Variants in SCAPER observed in about 807,000 individuals in gnomAD.
SCAPER encodes the protein S phase cyclin A-associated protein in the endoplasmic reticulum.
A neutral mutation model predicts 182.2 loss-of-function variants in SCAPER; 98 were observed. That is an observed-to-expected ratio of 0.54 (90% CI 0.46 to 0.64). The LOEUF is 0.64. Ranked by LOEUF, SCAPER falls within the 30% of genes least tolerant of loss-of-function variation. The pLI, the probability that SCAPER is intolerant of heterozygous loss-of-function variation, is 0.00. For synonymous variants in SCAPER, 605 were observed against 564.6 expected (o/e 1.07, Z -1.01); for missense variants, 1,432 against 1,690.0 (o/e 0.85, Z 2.68).
chr15:76,617,311 G>C (rs2051581495), intron 22 of SCAPER, among the ~76,000 whole-genome samples: 1 of 152,146 alleles, frequency 6.6e-6, no homozygotes. Flanking sequence ...TTAACTGCTA[G>C]AGTAAGGAGT....
chr15:76,580,604 A>C (rs1182760566), intron 22 of SCAPER, among the ~76,000 whole-genome samples: 2 of 152,180 alleles, frequency 1.3e-5, no homozygotes, highest in South Asian at 2.1e-4. Context: ...ATAAAAAAAA[A>C]TCTTGAAAAT....
intron 24 of SCAPER, 38 bp from the exon 25 acceptor site, chr15:76,471,373 G>C: frequency 6.4e-7 from 1 of 1,571,430 alleles, no homozygotes; most frequent in Non-Finnish European, 8.6e-7. Flanking sequence ...TAAAACCCGA[G>C]CAGCTCTTCT....
rs1475361326 is a variant in SCAPER at position 76,597,065 on chromosome 15, G to A, written c.2712-22781C>T. ...GACTGTATATTTAGAAAACCCCATC[G>A]TCTAAGCCCCAAATCTCCTTAAGCT... On this transcript the variant is annotated intron_variant, in intron 22 of 31. Transcript: ENST00000563290. 1.2e-4 allele frequency among the ~76,000 whole-genome samples: 14 copies of A among 121,334 alleles called. 2 individuals are homozygous for A. Among genetic ancestry groups the A allele is most frequent in the African/African-American group, 2.8e-4 (11 of 39,830 alleles). The allele number at this position is 121,334 out of a possible 152,430, so 79.6% of individuals were successfully genotyped here.
At chr15:76,612,314 T>C (rs913618301) in intron 22 of SCAPER, among the ~76,000 whole-genome samples, 1 of 152,336 alleles carries the variant, frequency 6.6e-6, no homozygotes, top group African/African-American at 2.4e-5. Flanking sequence ...TTCGGCTCAC[T>C]GCAGCCTGGA....
At position 76,558,884 on chromosome 15, in the gene SCAPER, T is replaced by C. The variant is rs993270756; in HGVS notation, c.2838+15274A>G. 5.3e-5 allele frequency among the ~76,000 whole-genome samples: 8 copies of C among 152,294 alleles called. No individual in the cohort carries two copies. The South Asian group carries it at 1.4e-3, about 28-fold the overall frequency. On this transcript the variant is annotated intron_variant, in intron 23 of 31. Transcript: ENST00000563290. ...AAAAAGAATGAGATCATGTCTGATA[T>C]GATTAGGCTTTGTGTCCCCACCCAA...
intron 25 of SCAPER, among the ~76,000 whole-genome samples, chr15:76,449,923 C>T (rs558961677): frequency 1.6e-4 from 25 of 152,174 alleles, no homozygotes; most frequent in Non-Finnish European, 2.5e-4. Flanking sequence ...CAGAAGTTGG[C>T]GATTATTTTT....
intron 22 of SCAPER, among the ~76,000 whole-genome samples, chr15:76,600,211 C>G (rs561743750): frequency 1.7e-5 from 2 of 119,860 alleles, no homozygotes; most frequent in African/African-American, 5.1e-5. Flanking sequence ...TTATGATATT[C>G]ACACTTTGTA....
intron 24 of SCAPER, among the ~76,000 whole-genome samples, chr15:76,491,401 A>G (rs1405557955): frequency 6.6e-6 from 1 of 152,214 alleles, no homozygotes; most frequent in Non-Finnish European, 1.5e-5. Flanking sequence ...ATAGTTATAA[A>G]TGATATAAAT....
rs77530615 is a variant in SCAPER at position 76,662,317 on chromosome 15, T to A, written c.2645+3336A>T. On this transcript the variant is annotated intron_variant, in intron 21 of 31. Coordinates refer to ENST00000563290, the MANE Select transcript of SCAPER (RefSeq NM_020843.4). ...GTAACAAACCTGCACATTCTGCACG[T>A]GTATCCTGGGACTTATAGTAAAATA... Among the ~76,000 whole-genome samples, 6 of 152,270 alleles carry A rather than the reference T, an allele frequency of 3.9e-5. No homozygotes were observed. The East Asian group carries it at 1.2e-3, about 29-fold the overall frequency.
At chr15:76,586,795 A>T (rs2048695402) in intron 22 of SCAPER, 1 of 151,722 alleles carries the variant, frequency 6.6e-6, no homozygotes, top group South Asian at 2.1e-4. Context: ...TGGTTTTGGT[A>T]TTAGGGTGAT....
chr15:76,880,895 A>G (rs1363481971), intron 2 of SCAPER, among the ~76,000 whole-genome samples: 2 of 152,198 alleles, frequency 1.3e-5, no homozygotes, highest in African/African-American at 4.8e-5. Flanking sequence ...TCAAAAAAAC[A>G]GAAAATAAAA....
intron 21 of SCAPER, among the ~76,000 whole-genome samples, chr15:76,622,544 A>G (rs576220584): frequency 1.2e-4 from 18 of 152,328 alleles, no homozygotes; most frequent in African/African-American, 4.3e-4. Flanking sequence ...ATAAAATAAA[A>G]AAGTACATAT....
At chr15:76,400,778 G>C (rs2044401758) in intron 27 of SCAPER, among the ~76,000 whole-genome samples, 1 of 152,148 alleles carries the variant, frequency 6.6e-6, no homozygotes, top group Admixed American at 6.5e-5. Context: ...ATTGAGGTTA[G>C]AGAAGGAAAT....
intron 22 of SCAPER, among the ~76,000 whole-genome samples, chr15:76,584,480 T>C (rs1265325666): frequency 6.6e-6 from 1 of 150,638 alleles, no homozygotes; most frequent in Admixed American, 6.6e-5. Flanking sequence ...CCTGATGTGA[T>C]TATTATGCAT....
chr15:76,730,987 T>A (rs973486367), intron 16 of SCAPER, among the ~76,000 whole-genome samples: 1 of 152,264 alleles, frequency 6.6e-6, no homozygotes, highest in South Asian at 2.1e-4. Flanking sequence ...AGAGAACTGG[T>A]AGCCATACAG....
chr15:76,419,060 A>G (rs549394929), intron 26 of SCAPER, among the ~76,000 whole-genome samples: 9 of 152,252 alleles, frequency 5.9e-5, no homozygotes, highest in African/African-American at 1.9e-4. Context: ...CCCCTAGGCT[A>G]CAGTGTCTGT....
intron 20 of SCAPER, among the ~76,000 whole-genome samples, chr15:76,693,391 T>C (rs754467893): frequency 1.3e-5 from 2 of 152,154 alleles, no homozygotes; most frequent in Non-Finnish European, 2.9e-5. Context: ...CTGGTAGGAA[T>C]GTAAACACCT....
intron 16 of SCAPER, among the ~76,000 whole-genome samples, chr15:76,729,295 T>TACACACAC (rs57440824): frequency 0.028 from 4,111 of 144,246 alleles, 167 homozygotes; most frequent in African/African-American, 0.09. Flanking sequence ...TATATACACA[T>TACACACAC]ACACACACAC....
chr15:76,473,026 C>T (rs2050315375), intron 24 of SCAPER, among the ~76,000 whole-genome samples: 1 of 152,084 alleles, frequency 6.6e-6, no homozygotes, highest in African/African-American at 2.4e-5. Context: ...GAGATGGAGC[C>T]CCCCAAAAAG....
Sources: gnomAD v4.1 joint callset for allele counts (sites outside exome capture counted in the v4.1 genomes callset) on GRCh38, gnomAD v4.1.1 for gene constraint, MANE v1.5 for transcripts, NCBI Gene and HGNC (gene_info 2026-07-23, HGNC 2026-07-21) for gene names.